PCDHGA8: variants seen among roughly 807,000 people sequenced by gnomAD.
The protein encoded by PCDHGA8 is protocadherin gamma subfamily A, 8.
In PCDHGA8, 45 loss-of-function variants were observed where a neutral mutation model predicts 59.2. The observed-to-expected ratio is 0.76, with a 90% CI of 0.60 to 0.98. The LOEUF (loss-of-function observed/expected upper bound fraction) is 0.98. PCDHGA8 is among the 50% of genes least tolerant of loss of function. The pLI is 0.00. For missense variants in PCDHGA8, 1,257 were observed against 1,196.2 expected, an observed-to-expected ratio of 1.05 and a Z score of -0.75; for synonymous variants, 531 against 519.0, an observed-to-expected ratio of 1.02 and a Z score of -0.32.
chr5:141,443,457 G>C (rs977253701), intron 1 of PCDHGA8, among the ~76,000 whole-genome samples: 12 of 152,194 alleles, frequency 7.9e-5, no homozygotes, highest in Non-Finnish European at 1.3e-4. Flanking sequence ...CTGTACTCCA[G>C]TCTGGGTGAC....
intron 1 of PCDHGA8, chr5:141,418,636 C>G (rs564881404): frequency 6.2e-7 from 1 of 1,613,980 alleles, no homozygotes; most frequent in South Asian, 1.1e-5. Context: ...CTCCAGGCAC[C>G]TCCATCCTGA....
intron 1 of PCDHGA8, chr5:141,417,858 C>T (rs561149517): frequency 6.5e-7 from 1 of 1,547,240 alleles, no homozygotes. Flanking sequence ...CCCGAGCGAA[C>T]GATGGGAGGG....
rs188066304 is a variant in PCDHGA8, at chr5:141,450,907, C to T, written c.2425-43900C>T. On this transcript the variant is annotated intron_variant, in intron 1 of 3. Coordinates refer to ENST00000398604, the MANE Select transcript of PCDHGA8 (RefSeq NM_032088.2). ...TGGTGCGATATCGGCTCACTGCAAC[C>T]GCTGCCTCCCAGATTCAAGCAATTC... is the stretch of plus-strand genomic sequence containing the variant. 6.7e-3 allele frequency among the ~76,000 whole-genome samples: 1,004 copies of T among 150,024 alleles called. 12 individuals carry two copies. The highest frequency in any genetic ancestry group is 0.024 in the African/African-American group (970 of 40,702).
At chr5:141,421,720 G>A (rs372813759) in intron 1 of PCDHGA8, 4 of 1,613,788 alleles carry the variant, frequency 2.5e-6, no homozygotes, top group Non-Finnish European at 3.4e-6. Context: ...AGATGTGGGC[G>A]TGAACTCCCT....
chr5:141,423,708 T>A (rs1384948123), intron 1 of PCDHGA8: 23 of 1,349,902 alleles, frequency 1.7e-5, no homozygotes, highest in Non-Finnish European at 2.2e-5. Flanking sequence ...TTGGCACAAG[T>A]CTTTTAAGGA....
At position 141,490,558 on chromosome 5, in the gene PCDHGA8, A is replaced by G. The variant is rs765890709; in HGVS notation, c.2425-4249A>G. 3.1e-5 allele frequency: 50 copies of G among 1,614,042 alleles called. No individual in the cohort carries two copies. The East Asian group carries it at 1.0e-3, about 34-fold the overall frequency. ...ACCTTCCCTACACAAACATCTCACC[A>G]TCAGGCTCAACATTTCAGATGTCAA... On this transcript the variant is annotated intron_variant, in intron 1 of 3. Transcript: ENST00000398604. This position sits in a 1 kb window ranked among gnomAD's most constrained non-coding sequence, Gnocchi z 5.4.
intron 1 of PCDHGA8, chr5:141,414,397 T>C: frequency 6.2e-7 from 1 of 1,613,920 alleles, no homozygotes; most frequent in Middle Eastern, 1.6e-4. Context: ...TTATTACAGA[T>C]TGGTGATACA....
chr5:141,394,850 G>C lies in PCDHGA8; in HGVS notation c.2037G>C (p.Lys679Asn). 6.2e-7 allele frequency: 1 copy of C among 1,613,820 alleles called. No individual in the cohort carries two copies. Among genetic ancestry groups the C allele is most frequent in the Non-Finnish European group, 8.5e-7 (1 of 1,179,918 alleles). ...TCCTGACCGAGTTGGGCAGTCTGAA[G>C]CCTTCGGTCGACCCGAACGATTCGA... ...PEVLTELGSL[K>N]PSVDPNDSSL... The change falls in exon 1 of 4, where the codon AAG (lysine) becomes AAC (asparagine). Residue 679 changes from lysine to asparagine, a missense_variant. Physicochemically the swap from Lys to Asn is moderately conservative, Grantham distance 94. Coordinates refer to ENST00000398604, the MANE Select transcript of PCDHGA8 (RefSeq NM_032088.2).
chr5:141,399,469 T>G, intron 1 of PCDHGA8: 1 of 1,614,000 alleles, frequency 6.2e-7, no homozygotes. Flanking sequence ...CGCTCCGGTT[T>G]TCCACCAGGC....
At position 141,404,694 on chromosome 5, in the gene PCDHGA8, C is replaced by G. The variant is rs749803871; in HGVS notation, c.2424+9457C>G. 3.1e-6 allele frequency: 5 copies of G among 1,613,998 alleles called. No individual in the cohort carries two copies. In the Admixed American group the frequency reaches 5.0e-5, roughly 16 times the overall value. On this transcript the variant is annotated intron_variant, in intron 1 of 3. Coordinates refer to ENST00000398604, the MANE Select transcript of PCDHGA8 (RefSeq NM_032088.2). ...ACTGGTGTGGAGCTGGCACCCCGCT[C>G]TGCAGAGCCTGGCTACCTGGTGACC...
chr5:141,432,069 A>T lies in PCDHGA8; in HGVS notation c.2424+36832A>T. ...ACCCCGCCCCTATCCACGGAAACTC[A>T]TATCTCGCTGAACGTGGCAGACACC... is the stretch of plus-strand genomic sequence containing the variant. On this transcript the variant is annotated intron_variant, in intron 1 of 3. Coordinates refer to ENST00000398604, the MANE Select transcript of PCDHGA8 (RefSeq NM_032088.2). This position sits in a 1 kb window ranked among gnomAD's most constrained non-coding sequence, Gnocchi z 6.0. The T allele has an allele frequency of 6.2e-7, 1 of 1,614,168 alleles. No homozygotes were observed. The highest frequency in any genetic ancestry group is 8.5e-7 in the Non-Finnish European group (1 of 1,180,038).
chr5:141,479,574 T>A (rs1291334449), intron 1 of PCDHGA8: 1 of 152,228 alleles, frequency 6.6e-6, no homozygotes, highest in South Asian at 2.1e-4. Context: ...GGATGACATC[T>A]GTGAATAGCC....
Position 141,490,983 on chromosome 5 carries a change from C to T in PCDHGA8, c.2425-3824C>T. ...ACTCAGCCCCCCAGCGTCTCCCTCG[C>T]TCTGCTCCTCCTGGCTCCTTGGTCA... On this transcript the variant is annotated intron_variant, in intron 1 of 3. Transcript: ENST00000398604. The surrounding 1 kb of genome is among the most constrained non-coding windows in gnomAD (Gnocchi z 5.4). 2 of 1,614,120 alleles carry T rather than the reference C, an allele frequency of 1.2e-6. No individual in the cohort carries two copies. Among genetic ancestry groups the T allele is most frequent in the South Asian group, 2.2e-5 (2 of 91,082 alleles).
rs2097383894 is a variant in PCDHGA8, at chr5:141,431,489, C to T, written c.2424+36252C>T. On this transcript the variant is annotated intron_variant, in intron 1 of 3. Transcript: ENST00000398604. This position sits in a 1 kb window ranked among gnomAD's most constrained non-coding sequence, Gnocchi z 4.8. ...GAACGACAACGCACCAGCGTTTGCTCAGCCCGAGTACCGCGCGAGCGTTCC... is the reference window on the plus strand; with the variant it reads ...GAACGACAACGCACCAGCGTTTGCTTAGCCCGAGTACCGCGCGAGCGTTCC... The T allele has an allele frequency of 1.2e-6, 2 of 1,613,850 alleles. No homozygotes were observed. The highest frequency in any genetic ancestry group is 3.3e-5 in the Admixed American group (2 of 60,016).
chr5:141,393,477 C>T lies in PCDHGA8; in HGVS notation c.664C>T (p.Arg222Cys), dbSNP rs1561642767. 1 of 1,614,040 alleles carries T rather than the reference C, an allele frequency of 6.2e-7. No individual in the cohort carries two copies. Among genetic ancestry groups the T allele is most frequent in the African/African-American group, 1.3e-5 (1 of 75,068 alleles). Residue 222 changes from arginine (R) to cysteine (C), a missense_variant, in exon 1 of 4, where the codon CGC becomes TGC. Arg to Cys is a radical substitution (Grantham distance 180). Transcript: ENST00000398604. ...GGCCTCGGATGGCGGCAAGCCGCCT[C>T]GCTCTAGCACAGTGCGCATCCACGT... The part of the protein sequence containing the change: ...LTASDGGKPP[R>C]SSTVRIHVTV...
chr5:141,505,960 G>A (rs2099849410), intron 3 of PCDHGA8, among the ~76,000 whole-genome samples: 1 of 152,202 alleles, frequency 6.6e-6, no homozygotes, highest in Non-Finnish European at 1.5e-5. Context: ...AGTGGGTGTA[G>A]AAATCCCCAG....
Position 141,485,400 on chromosome 5 carries a change from G to A in PCDHGA8, c.2425-9407G>A. On this transcript the variant is annotated intron_variant, in intron 1 of 3. Transcript: ENST00000398604. The surrounding 1 kb of genome is among the most constrained non-coding windows in gnomAD (Gnocchi z 5.7). ...GGAGAGGTGAACCAAAGACACTTCC[G>A]TGTGGATTTGGACAGCGGAGCCCTG... is the stretch of plus-strand genomic sequence containing the variant. The A allele has an allele frequency of 6.2e-7, 1 of 1,614,076 alleles. No homozygotes were observed. The highest frequency in any genetic ancestry group is 8.5e-7 in the Non-Finnish European group (1 of 1,179,948).
rs2099399818 is a variant in PCDHGA8, at chr5:141,476,845, C to G, written c.2425-17962C>G. 6.2e-7 allele frequency: 1 copy of G among 1,613,794 alleles called. No individual in the cohort carries two copies. Among genetic ancestry groups the G allele is most frequent in the African/African-American group, 1.3e-5 (1 of 75,078 alleles). ...TGGACGCGAATGACAATGCGCCTGTCTTCAACCAGTCCTTGTACCGGGCGC... is the reference window on the plus strand; with the variant it reads ...TGGACGCGAATGACAATGCGCCTGTGTTCAACCAGTCCTTGTACCGGGCGC... On this transcript the variant is annotated intron_variant, in intron 1 of 3. Transcript: ENST00000398604. This position sits in a 1 kb window ranked among gnomAD's most constrained non-coding sequence, Gnocchi z 7.6.
rs2099402935 is a variant in PCDHGA8, at chr5:141,476,991, G to A, written c.2425-17816G>A. On this transcript the variant is annotated intron_variant, in intron 1 of 3. Transcript: ENST00000398604. The surrounding 1 kb of genome is among the most constrained non-coding windows in gnomAD (Gnocchi z 7.6). ...GGCAGCCACAACCGCGCCGGCGTGC[G>A]GCAACTATTCGCCTTAGACCTTGTA... 4 of 1,614,094 alleles carry A rather than the reference G, an allele frequency of 2.5e-6. No homozygotes were observed. Among genetic ancestry groups the A allele is most frequent in the Non-Finnish European group, 3.4e-6 (4 of 1,180,056 alleles).
Sources: allele counts gnomAD v4.1 joint callset (sites outside exome capture counted in the v4.1 genomes callset), GRCh38; gene constraint gnomAD v4.1.1; non-coding constraint Gnocchi (gnomAD v3.1); transcripts MANE v1.5; gene names NCBI Gene and HGNC (gene_info 2026-07-23, HGNC 2026-07-21).